CYTH1: variants seen among roughly 807,000 people sequenced by gnomAD.
The protein encoded by CYTH1 is cytohesin 1.
A neutral mutation model predicts 61.8 loss-of-function variants in CYTH1; 18 were observed. The observed-to-expected ratio is 0.29, with a 90% CI of 0.20 to 0.43. The LOEUF (loss-of-function observed/expected upper bound fraction) is 0.43. Among genes scored for constraint, CYTH1 ranks in the 20% least tolerant of loss-of-function variants. The pLI, the probability that CYTH1 is intolerant of heterozygous loss-of-function variation, is 1.00. For synonymous variants in CYTH1, 174 were observed against 184.3 expected, an observed-to-expected ratio of 0.94 and a Z score of 0.45; for missense variants, 336 against 510.5, an observed-to-expected ratio of 0.66 and a Z score of 3.29.
At chr17:78,750,057 G>C (rs2093373838) in intron 1 of CYTH1, among the ~76,000 whole-genome samples, 1 of 152,130 alleles carries the variant, frequency 6.6e-6, no homozygotes, top group South Asian at 2.1e-4. Context: ...CACGTGCCCA[G>C]AAGGAAGGGA....
intron 13 of CYTH1, among the ~76,000 whole-genome samples, chr17:78,678,692 C>T (rs2092727233): frequency 6.6e-6 from 1 of 152,216 alleles, no homozygotes; most frequent in African/African-American, 2.4e-5. Context: ...GGCACCGCGT[C>T]TGCTCAATGG....
intron 13 of CYTH1, among the ~76,000 whole-genome samples, chr17:78,679,982 A>AC (rs2078277757): frequency 1.3e-5 from 2 of 152,206 alleles, no homozygotes; most frequent in South Asian, 4.1e-4. Context: ...GGGAACCCAG[A>AC]TGGGACGTGC....
intron 1 of CYTH1, among the ~76,000 whole-genome samples, chr17:78,776,715 C>T (rs978419040): frequency 6.7e-6 from 1 of 148,472 alleles, no homozygotes; most frequent in African/African-American, 2.5e-5. Context: ...AAAATGTATG[C>T]AAAATTTAAT....
At chr17:78,684,192 G>A (rs976924559) in intron 11 of CYTH1, among the ~76,000 whole-genome samples, 9 of 152,150 alleles carry the variant, frequency 5.9e-5, no homozygotes, top group African/African-American at 1.7e-4. Flanking sequence ...CCTGCAGAGC[G>A]TGGCCCTCCT....
intron 1 of CYTH1, among the ~76,000 whole-genome samples, chr17:78,713,787 G>A (rs2093157525): frequency 6.7e-6 from 1 of 148,930 alleles, no homozygotes; most frequent in African/African-American, 2.5e-5. Context: ...CCTATCTCAA[G>A]ACTGCTATAT....
At chr17:78,702,047 G>GT (rs2093015855) in intron 5 of CYTH1, 75 bp downstream of exon 5, 13 of 1,248,166 alleles carry the variant, frequency 1.0e-5, no homozygotes, top group Non-Finnish European at 1.5e-5. Flanking sequence ...GAACTTCAGA[G>GT]TATTTGGGAG....
intron 1 of CYTH1, among the ~76,000 whole-genome samples, chr17:78,724,416 C>T: frequency 6.6e-6 from 1 of 152,154 alleles, no homozygotes. Context: ...AATCACCGTG[C>T]TAGAGCAGGG....
At chr17:78,676,937 G>A in intron 13 of CYTH1, 2 of 451,824 alleles carry the variant, frequency 4.4e-6, no homozygotes, top group Admixed American at 2.4e-5. Flanking sequence ...TGTATCCTAA[G>A]TGATGATTTG....
At chr17:78,736,667 GC>G in intron 1 of CYTH1, 1 of 378,936 alleles carries the variant, frequency 2.6e-6, no homozygotes, top group Non-Finnish European at 5.6e-6. Context: ...ATCAGTCCCG[GC>G]CGGGGGCTGC....
intron 9 of CYTH1, 142 bp from the exon 10 acceptor site, chr17:78,696,151 G>A: frequency 8.2e-7 from 1 of 1,216,574 alleles, no homozygotes; most frequent in Non-Finnish European, 1.1e-6. Flanking sequence ...GCCTGCCTGG[G>A]GAGAGAGCTG....
chr17:78,675,907 C>T lies in CYTH1; in HGVS notation c.*184G>A. On this transcript the variant is annotated 3_prime_UTR_variant, in exon 14 of 14. Transcript: ENST00000446868. ...CTGGACAGGTGGCCGGTCCTCTCTT[C>T]CCCAGTGATAACTGCCCACCCTTCT... 1 of 1,526,430 alleles carries T rather than the reference C, an allele frequency of 6.6e-7. No individual in the cohort carries two copies. The highest frequency in any genetic ancestry group is 1.4e-5 in the African/African-American group (1 of 72,488). The allele number at this position is 1,526,430 out of a possible 1,614,324, so 94.6% of individuals were successfully genotyped here.
chr17:78,753,802 G>C (rs1193043486), intron 1 of CYTH1, among the ~76,000 whole-genome samples: 1 of 152,184 alleles, frequency 6.6e-6, no homozygotes, highest in East Asian at 1.9e-4. Context: ...ATTCTTTAGA[G>C]TAACCTTTAA....
rs967556334 is a variant in CYTH1 at position 78,741,405 on chromosome 17, A to C, written c.23-31673T>G. Among the ~76,000 whole-genome samples the C allele has an allele frequency of 4.6e-5, 7 of 152,280 alleles. No individual in the cohort carries two copies. The South Asian group carries it at 6.2e-4, about 14-fold the overall frequency. On this transcript the variant is annotated intron_variant, in intron 1 of 13. Transcript: ENST00000446868. ...TAAATAAATGACAGTAGAAAAAAAA[A>C]CGTGAATATTTATATAATATTCTAG...
intron 11 of CYTH1, among the ~76,000 whole-genome samples, chr17:78,685,307 T>C (rs2092805572): frequency 6.6e-6 from 1 of 151,584 alleles, no homozygotes; most frequent in Non-Finnish European, 1.5e-5. Context: ...AAGTACAAAA[T>C]CTTCTAATTC....
At chr17:78,735,299 T>C (rs998712116) in intron 1 of CYTH1, among the ~76,000 whole-genome samples, 1 of 152,190 alleles carries the variant, frequency 6.6e-6, no homozygotes, top group Admixed American at 6.5e-5. Context: ...CCGGTGGGTC[T>C]GAAGCTAGGC....
At chr17:78,686,670 T>C (rs2092819937) in intron 11 of CYTH1, among the ~76,000 whole-genome samples, 1 of 152,212 alleles carries the variant, frequency 6.6e-6, no homozygotes, top group African/African-American at 2.4e-5. Context: ...CCAGCCTTTT[T>C]GGTACCAGGA....
intron 3 of CYTH1, among the ~76,000 whole-genome samples, chr17:78,707,983 G>A (rs111585196): frequency 0.1 from 15,535 of 152,104 alleles, 1,059 homozygotes; most frequent in Middle Eastern, 0.18. Context: ...CCGGCCTCCA[G>A]TTCAATTTTT....
At chr17:78,728,727 G>A (rs1416235173) in intron 1 of CYTH1, among the ~76,000 whole-genome samples, 1 of 152,144 alleles carries the variant, frequency 6.6e-6, no homozygotes, top group Non-Finnish European at 1.5e-5. Context: ...TTTGGTAATT[G>A]AAACTGCAAC....
rs139573436 is a variant in CYTH1, at chr17:78,749,289, G to A, written c.22+32913C>T. Among the ~76,000 whole-genome samples the A allele has an allele frequency of 1.8e-3, 269 of 152,020 alleles. 4 individuals carry two copies. The highest frequency in any genetic ancestry group is 3.7e-3 in the African/African-American group (153 of 41,474). ...AGCCTGGTCAACATGGCGAAACCCCGTCTCCACTAAAAATATAAAAATTAG... is the reference window on the plus strand; with the variant it reads ...AGCCTGGTCAACATGGCGAAACCCCATCTCCACTAAAAATATAAAAATTAG... On this transcript the variant is annotated intron_variant, in intron 1 of 13. Transcript: ENST00000446868.
Sources: gnomAD v4.1 joint callset for allele counts (sites outside exome capture counted in the v4.1 genomes callset) on GRCh38, gnomAD v4.1.1 for gene constraint, MANE v1.5 for transcripts, NCBI Gene and HGNC (gene_info 2026-07-23, HGNC 2026-07-21) for gene names.